The following AMY2A variants were observed in gnomAD, a reference collection of about 807,000 sequenced individuals.
The protein encoded by AMY2A is pancreatic alpha-amylase.
AMY2A carries 16 observed loss-of-function variants against 43.0 expected under a neutral mutation model. The observed-to-expected ratio is 0.37, with a 90% CI of 0.25 to 0.56. AMY2A has a LOEUF of 0.56. Ranked by LOEUF, AMY2A falls within the 20% of genes least tolerant of loss-of-function variation. The pLI, the probability that AMY2A is intolerant of heterozygous loss-of-function variation, is 0.77. For synonymous variants in AMY2A, 70 were observed against 144.6 expected, an observed-to-expected ratio of 0.48 and a Z score of 3.70; for missense variants, 212 against 456.8, an observed-to-expected ratio of 0.46 and a Z score of 4.89.
At chr1:103,618,149 T>C (rs192494583) in intron 2 of AMY2A, 49 bp downstream of exon 2, 1 of 1,575,894 alleles carries the variant, frequency 6.3e-7, no homozygotes, top group Admixed American at 1.8e-5. Flanking sequence ...GAAAATGGTT[T>C]CTCTCTCTTC....
At chr1:103,617,040 AG>A (rs1391035366), upstream of AMY2A, 1 of 1,012,982 alleles carries the variant, frequency 9.9e-7, no homozygotes, top group African/African-American at 1.7e-5. Flanking sequence ...TTGAGTTGGA[AG>A]GGGTTCGCAT....
chr1:103,617,671 T>A lies in AMY2A; in HGVS notation c.168+63T>A, dbSNP rs1653115893. On this transcript the variant is annotated intron_variant, in intron 1 of 9. Coordinates refer to ENST00000414303, the MANE Select transcript of AMY2A (RefSeq NM_000699.4). ...GTGCTTGTAGGAAATAGTATTCTGA[T>A]CTTATCTGTGAAGCTTGGGCAACAT... 3.1e-6 allele frequency: 5 copies of A among 1,599,874 alleles called. No individual in the cohort carries two copies. The East Asian group carries it at 6.7e-5, about 21-fold the overall frequency.
Position 103,621,108 on chromosome 1 carries a change from A to ATCTAGTTTGATTAAACTAGATTGG in AMY2A, c.879-446_879-423dup, listed in dbSNP as rs1326545954. Among the ~76,000 whole-genome samples the ATCTAGTTTGATTAAACTAGATTGG allele has an allele frequency of 5.5e-4, 2 of 3,654 alleles. 1 individual carries two copies. Among genetic ancestry groups the ATCTAGTTTGATTAAACTAGATTGG allele is most frequent in the Non-Finnish European group, 8.3e-4 (2 of 2,420 alleles). The allele number at this position is 3,654 out of a possible 152,430, so 2.4% of individuals were successfully genotyped here. A position where few individuals can be genotyped will look rare whatever the true frequency, so the allele number is the denominator to read the frequency against. On this transcript the variant is annotated intron_variant, in intron 5 of 9. Transcript: ENST00000414303. ...AATACAGTATTGAAGCCTTATTTTAATCTAGTTTGATTAAACTAGATTGGT... is the reference window on the plus strand; with the variant it reads ...AATACAGTATTGAAGCCTTATTTTAATCTAGTTTGATTAAACTAGATTGGTCTAGTTTGATTAAACTAGATTGGT...
At chr1:103,618,185 T>C in intron 2 of AMY2A, 85 bp downstream of exon 2, 1 of 1,505,854 alleles carries the variant, frequency 6.6e-7, no homozygotes, top group Non-Finnish European at 8.9e-7. Context: ...CAGCAGAAAA[T>C]TTTCCGTATT....
chr1:103,620,384 C>T (rs575973443), intron 4 of AMY2A, among the ~76,000 whole-genome samples, 167 bp from the exon 5 acceptor site: 96 of 128,674 alleles, frequency 7.5e-4, no homozygotes, highest in Admixed American at 1.9e-3. Context: ...TAGCAAGACC[C>T]TGTCTCTAAA....
rs1344553472 is a variant in AMY2A at position 103,618,082 on chromosome 1, T to C, written c.297T>C (p.Thr99=). ...GNEDEFRNMV[T]RCNNVGVRIY... is the part of the protein sequence containing the mutation. The stretch of plus-strand genomic sequence containing the variant: ...AAGATGAATTTAGAAACATGGTGAC[T>C]AGATGTAACAATGTTGGGGTAAGTG... The change falls in exon 2 of 10, where the codon ACT becomes ACC. Residue 99 remains threonine, a synonymous_variant. Transcript: ENST00000414303. 6.3e-7 allele frequency: 1 copy of C among 1,599,786 alleles called. No homozygotes were observed. Among genetic ancestry groups the C allele is most frequent in the East Asian group, 2.2e-5 (1 of 44,784 alleles).
At chr1:103,624,907 C>G (rs1312438506) in intron 9 of AMY2A, among the ~76,000 whole-genome samples, 3 of 131,002 alleles carry the variant, frequency 2.3e-5, no homozygotes, top group Non-Finnish European at 5.0e-5. Context: ...TTGTCCCTGT[C>G]CAAGACCAAC....
At position 103,617,966 on chromosome 1, in the gene AMY2A, A is replaced by G. The variant is rs1412285681; in HGVS notation, c.181A>G (p.Asn61Asp). ...GTTTAATTTGTAGGTCTCTCCACCA[A>G]ATGAAAATGTTGCAATTTACAACCC... ...GFGGVQVSPP[N>D]ENVAIYNPFR... is the part of the protein sequence containing the mutation. The change falls in exon 2 of 10, where the codon AAT becomes GAT. Residue 61 changes from asparagine (N) to aspartate (D), a missense_variant. By Grantham distance (23) the Asn-to-Asp change is conservative (BLOSUM62 1). This residue lies in a region of AMY2A where 199 missense variants were observed against 210.6 expected (regional missense o/e 0.94). Transcript: ENST00000414303. The G allele has an allele frequency of 6.2e-7, 1 of 1,600,506 alleles. No individual in the cohort carries two copies. The highest frequency in any genetic ancestry group is 1.3e-5 in the African/African-American group (1 of 74,658).
intron 1 of AMY2A, 54 bp downstream of exon 1, chr1:103,617,662 G>T (rs1653115817): frequency 1.0e-5 from 16 of 1,600,620 alleles, no homozygotes; most frequent in Non-Finnish European, 1.3e-5. Flanking sequence ...GTAGGAAATA[G>T]TATTCTGATC....
chr1:103,617,093 T>C, upstream of AMY2A: 1 of 943,376 alleles, frequency 1.1e-6, no homozygotes, highest in Non-Finnish European at 1.4e-6. Context: ...TTATGTAAAG[T>C]TTTTTTGTAT....
upstream of AMY2A, chr1:103,617,007 A>C (rs560873140): frequency 9.6e-7 from 1 of 1,036,388 alleles, no homozygotes; most frequent in East Asian, 9.4e-5. Flanking sequence ...TATCTACCAG[A>C]GCACCGTGGG....
At chr1:103,617,195 G>A, upstream of AMY2A, 1 of 1,103,328 alleles carries the variant, frequency 9.1e-7, no homozygotes, top group Non-Finnish European at 1.3e-6. Flanking sequence ...CACTGTTTAA[G>A]GAAAAATAAA....
Position 103,619,020 on chromosome 1 carries a change from C to T in AMY2A, c.425C>T (p.Pro142Leu). The change falls in exon 3 of 10, where the codon CCA becomes CTA. Residue 142 changes from proline (P) to leucine (L), a missense_variant. By Grantham distance (98) the Pro-to-Leu change is moderately conservative. Coordinates refer to ENST00000414303, the MANE Select transcript of AMY2A (RefSeq NM_000699.4). ...TTCAACCCTGGAAGTAGGGACTTTC[C>T]AGCAGTCCCATATTCTGGATGGGAT... ...SYFNPGSRDF[P>L]AVPYSGWDFN... The T allele has an allele frequency of 7.6e-7, 1 of 1,317,404 alleles. No homozygotes were observed. The highest frequency in any genetic ancestry group is 1.0e-6 in the Non-Finnish European group (1 of 972,496). 81.6% of individuals were successfully genotyped at this position (1,317,404 alleles called of 1,614,324 possible). A position where few individuals can be genotyped will look rare whatever the true frequency, so the allele number is the denominator to read the frequency against.
intron 2 of AMY2A, 23 bp downstream of exon 2, chr1:103,618,123 T>A: frequency 6.3e-7 from 1 of 1,589,096 alleles, no homozygotes; most frequent in Non-Finnish European, 8.6e-7. Flanking sequence ...TAGTTTCCTT[T>A]AAAAATAACA....
At chr1:103,618,765 G>C in intron 2 of AMY2A, 146 bp from the exon 3 acceptor site, 1 of 1,478,460 alleles carries the variant, frequency 6.8e-7, no homozygotes. Context: ...TCCTTTCACA[G>C]TTGATTTTTG....
upstream of AMY2A, chr1:103,617,131 A>T: frequency 1.0e-6 from 1 of 969,374 alleles, no homozygotes; most frequent in Non-Finnish European, 1.4e-6. Flanking sequence ...AAGAGATGAC[A>T]ACAAATTTTG....
intron 1 of AMY2A, 84 bp downstream of exon 1, chr1:103,617,692 A>C: frequency 6.3e-7 from 1 of 1,595,204 alleles, no homozygotes; most frequent in Non-Finnish European, 8.6e-7. Context: ...AAGCTTGGGC[A>C]ACATTTTACT....
chr1:103,619,900 A>ATAATG, intron 4 of AMY2A, 116 bp downstream of exon 4: 2 of 1,503,024 alleles, frequency 1.3e-6, no homozygotes, highest in Non-Finnish European at 1.8e-6. Flanking sequence ...TACATAAAAC[A>ATAATG]GTGTTCTTTA....
Position 103,619,782 on chromosome 1 carries a change from GA to G in AMY2A, c.743del (p.Glu248GlyfsTer2), listed in dbSNP as rs1653189584. On this transcript the variant is annotated frameshift_variant and splice_region_variant, in exon 4 of 10. Transcript: ENST00000414303. LOFTEE classifies it high-confidence loss of function. Reference protein sequence around the residue: ...PAGSKPFIYQEVIDLGGEPIK... With the variant: ...PAGSKPFIYQXVIDLGGEPIK... ...AGGAAGTAAACCTTTCATTTACCAGGAGGTACATCAATACTTATATGCCTAT... is the reference window on the plus strand; with the variant it reads ...AGGAAGTAAACCTTTCATTTACCAGGGGTACATCAATACTTATATGCCTAT... 1 of 1,610,784 alleles carries G rather than the reference GA, an allele frequency of 6.2e-7. No homozygotes were observed. Among genetic ancestry groups the G allele is most frequent in the South Asian group, 1.1e-5 (1 of 91,006 alleles).
Sources: gnomAD v4.1 joint callset for allele counts (sites outside exome capture counted in the v4.1 genomes callset) on GRCh38, gnomAD v4.1.1 for gene constraint, gnomAD v4.1.1 regional missense constraint, MANE v1.5 for transcripts, NCBI Gene and HGNC (gene_info 2026-07-23, HGNC 2026-07-21) for gene names.